Variants in SAMD12 observed in about 807,000 individuals in gnomAD.
SAMD12 encodes sterile alpha motif domain-containing protein 12.
A neutral mutation model predicts 15.0 loss-of-function variants in SAMD12; 9 were observed. That is an observed-to-expected ratio of 0.60 (90% CI 0.36 to 1.05). The LOEUF is 1.05. SAMD12 is among the 50% of genes least tolerant of loss of function. The pLI is 0.01. For synonymous variants in SAMD12, 86 were observed against 90.1 expected (o/e 0.96, Z 0.25); for missense variants, 230 against 234.2 (o/e 0.98, Z 0.12).
At chr8:118,493,271 T>A (rs1307809873) in intron 2 of SAMD12, among the ~76,000 whole-genome samples, 12 of 152,148 alleles carry the variant, frequency 7.9e-5, no homozygotes, top group Admixed American at 7.2e-4. Context: ...AAGTGCCATA[T>A]GTGCTAAATT....
intron 3 of SAMD12, among the ~76,000 whole-genome samples, chr8:118,395,776 G>A (rs1268689108): frequency 1.3e-5 from 2 of 152,094 alleles, no homozygotes; most frequent in African/African-American, 2.4e-5. Context: ...GGCTAACACG[G>A]TGAAACCCCA....
At chr8:118,188,041 G>C (rs1478710203), downstream of SAMD12, among the ~76,000 whole-genome samples, 2 of 151,280 alleles carry the variant, frequency 1.3e-5, no homozygotes, top group Non-Finnish European at 2.9e-5. Flanking sequence ...GGTTGGAAGA[G>C]AGAGAGAGAG....
chr8:118,287,362 T>C (rs940342262), intron 4 of SAMD12, among the ~76,000 whole-genome samples: 1 of 149,568 alleles, frequency 6.7e-6, no homozygotes, highest in African/African-American at 2.4e-5. Flanking sequence ...CCTGACCTCG[T>C]GATCCGCCCG....
the SAMD12 span, among the ~76,000 whole-genome samples, chr8:118,142,846 C>T: frequency 2.0e-5 from 3 of 151,990 alleles, no homozygotes; most frequent in Non-Finnish European, 2.9e-5. Flanking sequence ...GAGCTAATGG[C>T]GGTGAGGAAG....
chr8:118,454,897 T>C (rs1159993173), intron 2 of SAMD12, among the ~76,000 whole-genome samples: 1 of 152,226 alleles, frequency 6.6e-6, no homozygotes, highest in Non-Finnish European at 1.5e-5. Context: ...TTCTGTCTTT[T>C]TGTGACTGGC....
At chr8:118,431,996 C>A (rs1245793394) in intron 3 of SAMD12, among the ~76,000 whole-genome samples, 1 of 152,096 alleles carries the variant, frequency 6.6e-6, no homozygotes, top group African/African-American at 2.4e-5. Context: ...CCTCCAAGTT[C>A]ACTGATTCTT....
chr8:118,178,490 A>T, the SAMD12 span, among the ~76,000 whole-genome samples: 2 of 152,124 alleles, frequency 1.3e-5, no homozygotes, highest in Admixed American at 1.3e-4. Flanking sequence ...TTTTTTAGAC[A>T]GTCTCCCTCT....
intron 2 of SAMD12, among the ~76,000 whole-genome samples, chr8:118,570,318 T>A (rs1355195559): frequency 1.3e-5 from 2 of 152,192 alleles, no homozygotes; most frequent in African/African-American, 2.4e-5. Flanking sequence ...GGTATTAAGC[T>A]TAGTACCCAT....
chr8:118,478,071 G>C (rs1206024766), intron 2 of SAMD12, among the ~76,000 whole-genome samples: 1 of 150,294 alleles, frequency 6.7e-6, no homozygotes, highest in African/African-American at 2.5e-5. Flanking sequence ...GCCTGACTCT[G>C]CACCTCTAGT....
intron 4 of SAMD12, among the ~76,000 whole-genome samples, chr8:118,368,399 TAGA>T (rs1276547713): frequency 6.6e-6 from 1 of 152,174 alleles, no homozygotes; most frequent in African/African-American, 2.4e-5. Context: ...CTCATGGTCA[TAGA>T]AGAAGGTTCA....
At chr8:118,552,773 T>C (rs528981220) in intron 2 of SAMD12, among the ~76,000 whole-genome samples, 2 of 152,308 alleles carry the variant, frequency 1.3e-5, no homozygotes, top group South Asian at 4.1e-4. Context: ...ATTGTATCTC[T>C]AGAAAACCCC....
chr8:118,161,709 T>TTTA, the SAMD12 span, among the ~76,000 whole-genome samples: 2 of 149,980 alleles, frequency 1.3e-5, no homozygotes, highest in Admixed American at 6.7e-5. Context: ...TAATAAATTA[T>TTTA]TTATTATTAT....
chr8:118,467,037 T>C (rs1823614502), intron 2 of SAMD12, among the ~76,000 whole-genome samples: 2 of 152,186 alleles, frequency 1.3e-5, no homozygotes, highest in South Asian at 2.1e-4. Flanking sequence ...CAATGATTAC[T>C]AGTAGTAGTC....
chr8:118,215,945 A>G (rs1811949093), intron 4 of SAMD12, among the ~76,000 whole-genome samples: 1 of 150,550 alleles, frequency 6.6e-6, no homozygotes, highest in South Asian at 2.1e-4. Flanking sequence ...GTGTCTTTAT[A>G]GCAGCATGAT....
rs955393656 is a variant in SAMD12 at position 118,383,947 on chromosome 8, A to G, written c.323-4247T>C. 2.0e-5 allele frequency among the ~76,000 whole-genome samples: 3 copies of G among 152,268 alleles called. No homozygotes were observed. The East Asian group carries it at 5.8e-4, about 29-fold the overall frequency. On this transcript the variant is annotated intron_variant, in intron 3 of 3. Coordinates refer to ENST00000314727, the MANE Select transcript of SAMD12 (RefSeq NM_207506.3). ...CACAAGTAAACCGACAACTAGATCTAGATCTAGAGACAGACATATGATCCC... is the reference window on the plus strand; with the variant it reads ...CACAAGTAAACCGACAACTAGATCTGGATCTAGAGACAGACATATGATCCC...
At chr8:118,200,148 G>A (rs1819672580) in intron 4 of SAMD12, among the ~76,000 whole-genome samples, 1 of 152,036 alleles carries the variant, frequency 6.6e-6, no homozygotes, top group African/African-American at 2.4e-5. Context: ...TGATTGTGAG[G>A]CCTCCCCAGC....
At chr8:118,612,720 A>G (rs1212894542) in intron 1 of SAMD12, among the ~76,000 whole-genome samples, 1 of 152,244 alleles carries the variant, frequency 6.6e-6, no homozygotes. Flanking sequence ...CTAGCTATTT[A>G]CACAAGAGAA....
intron 2 of SAMD12, among the ~76,000 whole-genome samples, chr8:118,442,072 C>T (rs187984982): frequency 2.7e-3 from 414 of 152,338 alleles, no homozygotes; most frequent in African/African-American, 9.6e-3. Context: ...GCCATCTTTG[C>T]AGTGCCCTGA....
intron 2 of SAMD12, among the ~76,000 whole-genome samples, chr8:118,551,367 G>C (rs1461382527): frequency 2.0e-5 from 3 of 152,014 alleles, no homozygotes; most frequent in Non-Finnish European, 4.4e-5. Context: ...TCAGGATTAA[G>C]AATCTCACTC....
Sources: allele counts gnomAD v4.1 joint callset (sites outside exome capture counted in the v4.1 genomes callset), GRCh38; gene constraint gnomAD v4.1.1; transcripts MANE v1.5; gene names NCBI Gene and HGNC (gene_info 2026-07-23, HGNC 2026-07-21).